The following TTC27 variants were observed in gnomAD, a reference collection of about 807,000 sequenced individuals.
The protein encoded by TTC27 is tetratricopeptide repeat protein 27.
TTC27 carries 79 observed loss-of-function variants against 115.9 expected under a neutral mutation model. The observed-to-expected ratio is 0.68, with a 90% CI of 0.57 to 0.82. The LOEUF is 0.82. TTC27 is among the 40% of genes least tolerant of loss of function. The pLI is 0.00. For missense variants in TTC27, 1,054 were observed against 993.1 expected, an observed-to-expected ratio of 1.06 and a Z score of -0.82; for synonymous variants, 401 against 356.0, an observed-to-expected ratio of 1.13 and a Z score of -1.42.
chr2:32,712,115 C>A (rs11124288), intron 10 of TTC27, among the ~76,000 whole-genome samples: 128,835 of 152,228 alleles, frequency 0.85, 54,632 homozygotes, highest in Middle Eastern at 0.93. Flanking sequence ...ACATGGTTGC[C>A]GGCAGTTACA....
chr2:32,788,992 A>G (rs1670440776), intron 16 of TTC27, among the ~76,000 whole-genome samples: 1 of 152,170 alleles, frequency 6.6e-6, no homozygotes, highest in African/African-American at 2.4e-5. Flanking sequence ...GTATTAGCTC[A>G]TTTAATTCTC....
At chr2:32,632,199 TG>T (rs1192730755) in intron 2 of TTC27, among the ~76,000 whole-genome samples, 4 of 150,174 alleles carry the variant, frequency 2.7e-5, no homozygotes, top group Admixed American at 6.7e-5. Flanking sequence ...TTTGTAGAGA[TG>T]GTGTCTTGAT....
At chr2:32,817,640 T>G in intron 19 of TTC27, 83 bp downstream of exon 19, 1 of 1,207,978 alleles carries the variant, frequency 8.3e-7, no homozygotes, top group Non-Finnish European at 1.2e-6. Context: ...AATCTTCTTT[T>G]ACATCAGTGA....
intron 9 of TTC27, among the ~76,000 whole-genome samples, chr2:32,693,706 A>T (rs1053944375): frequency 3.9e-5 from 6 of 152,226 alleles, no homozygotes; most frequent in African/African-American, 1.2e-4. Flanking sequence ...GATAGATCAA[A>T]TATATAAAAG....
intron 5 of TTC27, among the ~76,000 whole-genome samples, chr2:32,651,201 C>T (rs1034419965): frequency 9.9e-5 from 15 of 152,130 alleles, no homozygotes; most frequent in African/African-American, 3.4e-4. Context: ...GTCCAAGGGA[C>T]ATGAGGAGTG....
chr2:32,640,590 A>T (rs1290810446), intron 4 of TTC27, among the ~76,000 whole-genome samples, 180 bp downstream of exon 4: 1 of 152,230 alleles, frequency 6.6e-6, no homozygotes, highest in African/African-American at 2.4e-5. Flanking sequence ...AGATTGATCT[A>T]GTTTAGAATG....
chr2:32,742,945 C>G (rs1283181281), intron 12 of TTC27, among the ~76,000 whole-genome samples: 1 of 152,124 alleles, frequency 6.6e-6, no homozygotes, highest in African/African-American at 2.4e-5. Context: ...GATGCCAAAT[C>G]TGGCTAATTG....
chr2:32,773,951 A>G (rs1336279787), intron 13 of TTC27, among the ~76,000 whole-genome samples: 1 of 152,196 alleles, frequency 6.6e-6, no homozygotes, highest in East Asian at 1.9e-4. Flanking sequence ...GTGACAATGG[A>G]CACTTGAAAT....
intron 12 of TTC27, among the ~76,000 whole-genome samples, chr2:32,756,931 G>A (rs976840003): frequency 1.3e-5 from 2 of 152,184 alleles, no homozygotes; most frequent in South Asian, 4.1e-4. Flanking sequence ...GTGGCAACAA[G>A]TACACAATTA....
At chr2:32,716,065 C>T (rs1667744500) in intron 10 of TTC27, among the ~76,000 whole-genome samples, 2 of 152,154 alleles carry the variant, frequency 1.3e-5, no homozygotes, top group South Asian at 4.1e-4. Flanking sequence ...TTTCCTCTTG[C>T]TTGCCTTTCA....
chr2:32,736,644 A>C (rs1255365900), intron 11 of TTC27, 50 bp from the exon 12 acceptor site: 4 of 1,608,790 alleles, frequency 2.5e-6, no homozygotes, highest in South Asian at 2.2e-5. Flanking sequence ...TGAAACAGGA[A>C]TCTCTTTTTA....
intron 12 of TTC27, among the ~76,000 whole-genome samples, chr2:32,741,987 A>G (rs1668663881): frequency 6.6e-6 from 1 of 152,250 alleles, no homozygotes; most frequent in Non-Finnish European, 1.5e-5. Context: ...AGTAAATGCT[A>G]AGGAAACTGT....
intron 12 of TTC27, among the ~76,000 whole-genome samples, chr2:32,743,279 C>G (rs1487346257): frequency 6.6e-6 from 1 of 151,956 alleles, no homozygotes; most frequent in Non-Finnish European, 1.5e-5. Context: ...CAGATCACAG[C>G]CAAAAAGGGT....
intron 7 of TTC27, among the ~76,000 whole-genome samples, chr2:32,667,646 C>A (rs1665837296): frequency 6.6e-6 from 1 of 151,266 alleles, no homozygotes; most frequent in Non-Finnish European, 1.5e-5. Context: ...GAACTCGCAA[C>A]CTCAGGTGAT....
chr2:32,696,684 T>C (rs1403832511), intron 9 of TTC27, among the ~76,000 whole-genome samples: 1 of 152,256 alleles, frequency 6.6e-6, no homozygotes, highest in Non-Finnish European at 1.5e-5. Context: ...AATATTGGTA[T>C]GCAAATATCT....
chr2:32,719,442 T>A (rs1667853922), intron 10 of TTC27, among the ~76,000 whole-genome samples: 1 of 152,192 alleles, frequency 6.6e-6, no homozygotes, highest in Admixed American at 6.5e-5. Context: ...ATCAAATATA[T>A]TAACACAGGG....
At position 32,688,793 on chromosome 2, in the gene TTC27, A is replaced by G. The variant is rs377428526; in HGVS notation, c.1119+9871A>G. Among the ~76,000 whole-genome samples the G allele has an allele frequency of 2.0e-5, 3 of 152,246 alleles. No homozygotes were observed. The East Asian group carries it at 5.8e-4, about 29-fold the overall frequency. Reference sequence around the variant, plus strand: ...CATACAATGCTGGTGGTAATGCAAAATGTCACAACTGCTTTGGAACACAGG... The same window carrying G: ...CATACAATGCTGGTGGTAATGCAAAGTGTCACAACTGCTTTGGAACACAGG... On this transcript the variant is annotated intron_variant, in intron 9 of 19. Transcript: ENST00000317907.
At chr2:32,704,883 C>G (rs1667313762) in intron 10 of TTC27, 1 of 471,276 alleles carries the variant, frequency 2.1e-6, no homozygotes, top group Admixed American at 2.3e-5. Flanking sequence ...GTTCACTTAT[C>G]CTGTCACTGG....
Position 32,811,124 on chromosome 2 carries a change from G to C in TTC27, c.2099G>C (p.Arg700Thr), listed in dbSNP as rs1671302234. 6.2e-7 allele frequency: 1 copy of C among 1,614,198 alleles called. No homozygotes were observed. Among genetic ancestry groups the C allele is most frequent in the Non-Finnish European group, 8.5e-7 (1 of 1,180,038 alleles). The part of the protein sequence containing the change: ...LKGKLQELFG[R>T]VTSRVTNDGE... The stretch of plus-strand genomic sequence containing the variant: ...GGAAAGCTGCAGGAGTTATTTGGCA[G>C]AGTGACTTCAAGAGTGACAAATGAT... The change falls in exon 17 of 20, where the codon AGA (arginine) becomes ACA (threonine). Residue 700 changes from arginine (R) to threonine (T), a missense_variant. Transcript: ENST00000317907.
Sources: allele counts gnomAD v4.1 joint callset (sites outside exome capture counted in the v4.1 genomes callset), GRCh38; gene constraint gnomAD v4.1.1; transcripts MANE v1.5; gene names NCBI Gene and HGNC (gene_info 2026-07-23, HGNC 2026-07-21).